SNX10: variants seen among roughly 807,000 people sequenced by gnomAD.
The protein encoded by SNX10 is sorting nexin 10, also known as sorting nexin-10.
Under a neutral mutation model 28.5 loss-of-function variants are expected in SNX10, and 25 were observed. The observed-to-expected ratio is 0.88, with a 90% CI of 0.64 to 1.22. The LOEUF (loss-of-function observed/expected upper bound fraction) is 1.22, where lower values mean the gene tolerates loss of function less well. Among genes scored for constraint, SNX10 ranks in the 50% most tolerant of loss-of-function variants. SNX10 has a pLI of 0.00. For synonymous variants in SNX10, 62 were observed against 81.4 expected (o/e 0.76, Z 1.28); for missense variants, 223 against 242.6 (o/e 0.92, Z 0.54).
intron 1 of SNX10, among the ~76,000 whole-genome samples, chr7:26,313,364 G>C (rs1322612352): frequency 2.6e-5 from 4 of 152,166 alleles, no homozygotes; most frequent in Non-Finnish European, 5.9e-5. Flanking sequence ...GTGGACTCCT[G>C]ATCTTGTTAG....
chr7:26,343,778 G>T (rs930557644), intron 1 of SNX10, among the ~76,000 whole-genome samples: 1 of 152,132 alleles, frequency 6.6e-6, no homozygotes, highest in Non-Finnish European at 1.5e-5. Context: ...CATGATAACC[G>T]GACTTGAGCC....
intron 2 of SNX10, among the ~76,000 whole-genome samples, chr7:26,349,635 A>C (rs1281935645): frequency 6.6e-6 from 1 of 152,214 alleles, no homozygotes; most frequent in Non-Finnish European, 1.5e-5. Context: ...TTATGGTTAC[A>C]TATTTTAATA....
intron 1 of SNX10, among the ~76,000 whole-genome samples, chr7:26,323,312 G>A (rs1014653086): frequency 2.0e-5 from 3 of 150,406 alleles, no homozygotes; most frequent in Admixed American, 6.8e-5. Flanking sequence ...AAAAACTTAG[G>A]GGAAAAACGA....
At chr7:26,300,911 C>T (rs779301627) in intron 1 of SNX10, among the ~76,000 whole-genome samples, 9 of 147,990 alleles carry the variant, frequency 6.1e-5, no homozygotes, top group Non-Finnish European at 1.0e-4. Context: ...CCCAGCTACT[C>T]GGGAGGCTGC....
chr7:26,331,552 C>T (rs1396489196), intron 1 of SNX10, among the ~76,000 whole-genome samples: 2 of 152,128 alleles, frequency 1.3e-5, no homozygotes, highest in African/African-American at 2.4e-5. Flanking sequence ...TGTCACTGCA[C>T]TCCAGCCTGG....
At chr7:26,348,334 C>T (rs2128013349) in intron 2 of SNX10, among the ~76,000 whole-genome samples, 1 of 152,366 alleles carries the variant, frequency 6.6e-6, no homozygotes, top group East Asian at 1.9e-4. Flanking sequence ...GCATAGTTCC[C>T]ACAGGACTGC....
At chr7:26,321,775 G>T (rs1231913156) in intron 1 of SNX10, among the ~76,000 whole-genome samples, 1 of 147,422 alleles carries the variant, frequency 6.8e-6, no homozygotes, top group Non-Finnish European at 1.5e-5. Flanking sequence ...CACTTTACCA[G>T]TTTTTTTTTT....
chr7:26,296,420 G>T (rs2127992153), intron 1 of SNX10, among the ~76,000 whole-genome samples: 1 of 152,226 alleles, frequency 6.6e-6, no homozygotes. Flanking sequence ...GGAGGTCGAG[G>T]TAGGAGGATC....
intron 1 of SNX10, among the ~76,000 whole-genome samples, chr7:26,329,448 C>G (rs1003711759): frequency 2.0e-5 from 3 of 152,220 alleles, no homozygotes; most frequent in African/African-American, 7.2e-5. Flanking sequence ...GGTAGTCACT[C>G]TCAAAAACAT....
rs2128030057 is a variant in SNX10 at position 26,372,501 on chromosome 7, G to T, written c.535G>T (p.Gly179Trp). 6.2e-7 allele frequency: 1 copy of T among 1,606,146 alleles called. No individual in the cohort carries two copies. Among genetic ancestry groups the T allele is most frequent in the Non-Finnish European group, 8.5e-7 (1 of 1,173,032 alleles). ...IDYDSESSSS[G>W]LGHSSDDSSS... ...TCTCTTCTTTTCCAGTTCATCCTCTGGGCTTGGACACAGTAGTGATGACAG... is the reference window on the plus strand; with the variant it reads ...TCTCTTCTTTTCCAGTTCATCCTCTTGGCTTGGACACAGTAGTGATGACAG... The change falls in exon 7 of 7, where the codon GGG becomes TGG. Residue 179 changes from glycine to tryptophan, a missense_variant. By Grantham distance (184) the Gly-to-Trp change is radical (BLOSUM62 -2). Coordinates refer to ENST00000338523, the MANE Select transcript of SNX10 (RefSeq NM_013322.3).
chr7:26,346,615 C>T (rs1037073315), intron 2 of SNX10, 149 bp downstream of exon 2: 58 of 698,404 alleles, frequency 8.3e-5, no homozygotes, highest in Non-Finnish European at 7.1e-5. Context: ...CTCCTCTACT[C>T]CCACCATTGG....
At chr7:26,342,250 C>T (rs977280687) in intron 1 of SNX10, among the ~76,000 whole-genome samples, 10 of 152,172 alleles carry the variant, frequency 6.6e-5, no homozygotes, top group African/African-American at 1.9e-4. Flanking sequence ...TGGTCTCAAA[C>T]TCCTGACCTC....
At position 26,358,805 on chromosome 7, in the gene SNX10, G is replaced by GTTTTTTTTTT. The variant is rs35527687; in HGVS notation, c.25-2160_25-2151dup. On this transcript the variant is annotated intron_variant, in intron 2 of 6. Coordinates refer to ENST00000338523, the MANE Select transcript of SNX10 (RefSeq NM_013322.3). Reference sequence around the variant, plus strand: ...GAGCATCACTATAGTGTTATCTTGTGTTTTTTTTTTTTTTTTTTTGACCAA... The same window carrying GTTTTTTTTTT: ...GAGCATCACTATAGTGTTATCTTGTGTTTTTTTTTTTTTTTTTTTTTTTTTTTTTGACCAA... Among the ~76,000 whole-genome samples the GTTTTTTTTTT allele has an allele frequency of 5.5e-3, 551 of 100,032 alleles. 31 individuals are homozygous for GTTTTTTTTTT. The highest frequency in any genetic ancestry group is 8.6e-3 in the African/African-American group (196 of 22,662). 65.6% of individuals were successfully genotyped at this position (100,032 alleles called of 152,430 possible).
rs553247563 is a variant in SNX10 at position 26,365,220 on chromosome 7, G to C, written c.311+75G>C. ...TTTACAAGAGCTGCATGGTGGTGTG[G>C]GGAAGAGTGTTCCTGTTTCTGAAAT... On this transcript the variant is annotated intron_variant, in intron 5 of 6. Coordinates refer to ENST00000338523, the MANE Select transcript of SNX10 (RefSeq NM_013322.3). 4.2e-5 allele frequency: 36 copies of C among 856,032 alleles called. No homozygotes were observed. The East Asian group carries it at 8.6e-4, about 20-fold the overall frequency. The allele number at this position is 856,032 out of a possible 1,614,324, so 53.0% of individuals were successfully genotyped here. A position where few individuals can be genotyped will look rare whatever the true frequency, so the allele number is the denominator to read the frequency against.
chr7:26,373,976 T>C lies in SNX10; in HGVS notation c.*1404T>C, dbSNP rs1330726899. ...TGATTTCTTTAATTTGTCCTTTTTT[T>C]CTTTGGTCTAAAACATTATTAAATT... On this transcript the variant is annotated 3_prime_UTR_variant, in exon 7 of 7. Coordinates refer to ENST00000338523, the MANE Select transcript of SNX10 (RefSeq NM_013322.3). This position sits in a 1 kb window ranked among gnomAD's most constrained non-coding sequence, Gnocchi z 4.2. The C allele has an allele frequency of 6.6e-6, 1 of 152,092 alleles. No homozygotes were observed. Among genetic ancestry groups the C allele is most frequent in the African/African-American group, 2.4e-5 (1 of 41,460 alleles). The allele number at this position is 152,092 out of a possible 1,614,324, so 9.4% of individuals were successfully genotyped here.
intron 1 of SNX10, among the ~76,000 whole-genome samples, chr7:26,344,798 C>T (rs1054074080): frequency 2.0e-5 from 3 of 152,184 alleles, no homozygotes; most frequent in Non-Finnish European, 4.4e-5. Context: ...CTCGACTGGT[C>T]CCCTCTTGAC....
At chr7:26,331,983 T>C (rs188017544) in intron 1 of SNX10, among the ~76,000 whole-genome samples, 3 of 152,364 alleles carry the variant, frequency 2.0e-5, no homozygotes, top group African/African-American at 4.8e-5. Flanking sequence ...TGAGTAGATA[T>C]ACCGCATTTT....
intron 1 of SNX10, among the ~76,000 whole-genome samples, chr7:26,305,929 CTG>C (rs1429905647): frequency 6.6e-6 from 1 of 152,190 alleles, no homozygotes; most frequent in Admixed American, 6.5e-5. Flanking sequence ...ATCTCTCTCT[CTG>C]TCGCCCAAGC....
chr7:26,369,755 T>C (rs1304247780), intron 5 of SNX10, among the ~76,000 whole-genome samples: 1 of 151,620 alleles, frequency 6.6e-6, no homozygotes, highest in African/African-American at 2.4e-5. Flanking sequence ...AAGAAAACGC[T>C]GGGAAATAAT....
Sources: gnomAD v4.1 joint callset for allele counts (sites outside exome capture counted in the v4.1 genomes callset) on GRCh38, gnomAD v4.1.1 for gene constraint, Gnocchi (gnomAD v3.1) non-coding constraint, MANE v1.5 for transcripts, NCBI Gene and HGNC (gene_info 2026-07-23, HGNC 2026-07-21) for gene names.